COL12A1: variants seen among roughly 807,000 people sequenced by gnomAD.
COL12A1 encodes collagen type XII alpha 1 chain, also known as collagen alpha-1(XII) chain.
COL12A1 carries 114 observed loss-of-function variants against 349.7 expected under a neutral mutation model. That is an observed-to-expected ratio of 0.33 (90% CI 0.28 to 0.38). The LOEUF is 0.38. Among genes scored for constraint, COL12A1 ranks in the 10% least tolerant of loss-of-function variants. The pLI, the probability that COL12A1 is intolerant of heterozygous loss-of-function variation, is 1.00. For synonymous variants in COL12A1, 1,369 were observed against 1,329.0 expected (o/e 1.03, Z -0.66); for missense variants, 3,284 against 3,756.9 (o/e 0.87, Z 3.29).
intron 54 of COL12A1, among the ~76,000 whole-genome samples, chr6:75,104,966 G>T (rs995690013): frequency 6.6e-6 from 1 of 152,116 alleles, no homozygotes; most frequent in African/African-American, 2.4e-5. Context: ...CTAAAGACTA[G>T]CCAATATTAT....
intron 58 of COL12A1, among the ~76,000 whole-genome samples, chr6:75,101,220 G>C (rs1352822716): frequency 6.6e-6 from 1 of 152,168 alleles, no homozygotes; most frequent in Non-Finnish European, 1.5e-5. Flanking sequence ...TGGGAGTCAA[G>C]GCTACCCTCA....
intron 37 of COL12A1, 98 bp from the exon 38 acceptor site, chr6:75,128,523 GT>G (rs1454191386): frequency 8.7e-6 from 9 of 1,037,524 alleles, no homozygotes; most frequent in Admixed American, 6.7e-5. Context: ...AGTAATAGTA[GT>G]TTTTTTCACA....
intron 14 of COL12A1, among the ~76,000 whole-genome samples, chr6:75,159,751 T>C (rs1206628344): frequency 6.6e-6 from 1 of 151,066 alleles, no homozygotes; most frequent in Non-Finnish European, 1.5e-5. Flanking sequence ...TTTAGAAAAA[T>C]AAAAAGTTAA....
At position 75,121,445 on chromosome 6, in the gene COL12A1, C is replaced by T; in HGVS notation, c.6947-4G>A. Reference sequence around the variant, plus strand: ...TCTGCCTTGGCCCCTTTGCATACTGCAAAAAAAGAAAGCAGAGGAAGCCCC... The same window carrying T: ...TCTGCCTTGGCCCCTTTGCATACTGTAAAAAAAGAAAGCAGAGGAAGCCCC... On this transcript the variant is annotated splice_region_variant and splice_polypyrimidine_tract_variant and intron_variant, in intron 43 of 65. Transcript: ENST00000322507. The T allele has an allele frequency of 6.5e-7, 1 of 1,533,598 alleles. No homozygotes were observed. The highest frequency in any genetic ancestry group is 8.8e-7 in the Non-Finnish European group (1 of 1,133,354). 95.0% of individuals were successfully genotyped at this position (1,533,598 alleles called of 1,614,324 possible).
In COL12A1 at chr6:75,155,671, T is replaced by A; in HGVS notation, c.3434A>T (p.Glu1145Val). Residue 1145 changes from glutamate to valine, a missense_variant, in exon 16 of 66, where the codon GAG becomes GTG. Around this residue, in one of 2 missense-constraint regions of COL12A1, gnomAD observed 2,601 missense variants for 2,824.8 expected, o/e 0.92. Coordinates refer to ENST00000322507, the MANE Select transcript of COL12A1 (RefSeq NM_004370.6). Reference sequence around the variant, plus strand: ...CGTAGTTAATTCCTACCTAAGTTCCTCCAAAACAACTGTGTTGTCATAGGG... The same window carrying A: ...CGTAGTTAATTCCTACCTAAGTTCCACCAAAACAACTGTGTTGTCATAGGG... ...VGPYDNTVVL[E>V]ELRAGTTYKV... is the part of the protein sequence containing the mutation. The A allele has an allele frequency of 4.4e-6, 7 of 1,603,646 alleles. No individual in the cohort carries two copies. The highest frequency in any genetic ancestry group is 5.9e-6 in the Non-Finnish European group (7 of 1,176,762).
intron 13 of COL12A1, among the ~76,000 whole-genome samples, chr6:75,174,247 T>A (rs1035714684): frequency 4.6e-5 from 7 of 152,118 alleles, no homozygotes; most frequent in African/African-American, 1.7e-4. Flanking sequence ...CAGAAATCAC[T>A]TAGAAAACAA....
intron 32 of COL12A1, 79 bp downstream of exon 32, chr6:75,134,647 C>T (rs944408881): frequency 1.5e-6 from 2 of 1,295,248 alleles, no homozygotes; most frequent in Non-Finnish European, 2.1e-6. Flanking sequence ...TTGTGTCACC[C>T]CAGTGTTTCC....
intron 49 of COL12A1, among the ~76,000 whole-genome samples, chr6:75,115,249 TAC>T (rs549146658): frequency 9.5e-4 from 145 of 152,160 alleles, no homozygotes; most frequent in African/African-American, 3.2e-3. Context: ...GAATAAGAAA[TAC>T]AGAGTTCAGT....
intron 37 of COL12A1, among the ~76,000 whole-genome samples, chr6:75,129,297 T>C (rs139824186): frequency 6.6e-6 from 1 of 152,160 alleles, no homozygotes; most frequent in African/African-American, 2.4e-5. Flanking sequence ...CTATATCAAG[T>C]TCCAGTAGAT....
At chr6:75,193,386 T>C (rs1481084878) in intron 3 of COL12A1, among the ~76,000 whole-genome samples, 1 of 152,158 alleles carries the variant, frequency 6.6e-6, no homozygotes, top group African/African-American at 2.4e-5. Context: ...AAATCATCTT[T>C]TTAAAAAAAG....
At position 75,183,069 on chromosome 6, in the gene COL12A1, C is replaced by T; in HGVS notation, c.1872G>A (p.Leu624=). The change falls in exon 10 of 66, where the codon TTG becomes TTA. Residue 624 remains leucine (L), a synonymous_variant. Transcript: ENST00000322507. ...QSICLRIEQE[L]AAIKKKAYVP... The stretch of plus-strand genomic sequence containing the variant: ...ACTAACCTTTCTTCTTTATAGCTGC[C>T]AATTCTTGCTCAATTCTAAGGCAGA... The T allele has an allele frequency of 6.2e-7, 1 of 1,607,188 alleles. No individual in the cohort carries two copies. The highest frequency in any genetic ancestry group is 8.5e-7 in the Non-Finnish European group (1 of 1,177,236).
intron 62 of COL12A1, among the ~76,000 whole-genome samples, chr6:75,091,111 T>C (rs1767740702): frequency 6.6e-6 from 1 of 152,200 alleles, no homozygotes; most frequent in African/African-American, 2.4e-5. Flanking sequence ...GCTATTATTT[T>C]ACCTTGGGTT....
rs779002973 is a variant in COL12A1 at position 75,142,053 on chromosome 6, C to G, written c.4936G>C (p.Val1646Leu). 4 of 1,613,976 alleles carry G rather than the reference C, an allele frequency of 2.5e-6. No homozygotes were observed. The African/African-American group carries it at 5.3e-5, about 22-fold the overall frequency. Residue 1646 changes from valine (V) to leucine (L), a missense_variant, in exon 27 of 66, where the codon GTG (valine) becomes CTG (leucine). Around this residue, in one of 2 missense-constraint regions of COL12A1, gnomAD observed 2,601 missense variants for 2,824.8 expected, o/e 0.92. Transcript: ENST00000322507. ...AVHDEGESPP[V>L]TAQETTRPVP... ...TCACGGGTAGTTTCTTGAGCAGTCACTGGAGGAGACTCCCCCTCGTCATGT... is the reference window on the plus strand; with the variant it reads ...TCACGGGTAGTTTCTTGAGCAGTCAGTGGAGGAGACTCCCCCTCGTCATGT...
At chr6:75,107,069 T>A (rs954152402) in intron 52 of COL12A1, among the ~76,000 whole-genome samples, 50 of 151,458 alleles carry the variant, frequency 3.3e-4, no homozygotes, top group Non-Finnish European at 5.5e-4. Context: ...GCCCAGCTAA[T>A]TTTTTTGTAT....
intron 55 of COL12A1, among the ~76,000 whole-genome samples, chr6:75,103,365 G>A (rs1582052120): frequency 6.7e-6 from 1 of 149,460 alleles, no homozygotes; most frequent in Non-Finnish European, 1.5e-5. Context: ...GAGCACATAC[G>A]CAGCCACTCA....
intron 60 of COL12A1, among the ~76,000 whole-genome samples, chr6:75,094,350 G>A (rs1767908177): frequency 6.7e-6 from 1 of 149,694 alleles, no homozygotes; most frequent in South Asian, 2.1e-4. Context: ...ATTTCAGGAT[G>A]CTATTTGGAC....
In COL12A1 at chr6:75,086,512, A is replaced by T; in HGVS notation, c.*35T>A. 1 of 1,601,310 alleles carries T rather than the reference A, an allele frequency of 6.2e-7. No homozygotes were observed. The highest frequency in any genetic ancestry group is 8.5e-7 in the Non-Finnish European group (1 of 1,171,494). On this transcript the variant is annotated 3_prime_UTR_variant, in exon 66 of 66. Coordinates refer to ENST00000322507, the MANE Select transcript of COL12A1 (RefSeq NM_004370.6). ...TCAGAAACAGGATTTTCATGTATTC[A>T]AACTGTAAGCAGCACTGGCGACTTA...
chr6:75,107,208 G>A (rs577464525), intron 52 of COL12A1, among the ~76,000 whole-genome samples: 70 of 152,036 alleles, frequency 4.6e-4, no homozygotes, highest in Admixed American at 8.5e-4. Flanking sequence ...TATTTTTTAA[G>A]AGAATATTAA....
chr6:75,170,576 G>T (rs995072932), intron 13 of COL12A1, among the ~76,000 whole-genome samples: 1 of 152,206 alleles, frequency 6.6e-6, no homozygotes, highest in Admixed American at 6.5e-5. Flanking sequence ...GAGCAAAAAA[G>T]TGTTTCTTCC....
Sources: gnomAD v4.1 joint callset for allele counts (sites outside exome capture counted in the v4.1 genomes callset) on GRCh38, gnomAD v4.1.1 for gene constraint, gnomAD v4.1.1 regional missense constraint, MANE v1.5 for transcripts, NCBI Gene and HGNC (gene_info 2026-07-23, HGNC 2026-07-21) for gene names.